The following ARFGEF3 variants were observed in gnomAD, a reference collection of about 807,000 sequenced individuals.
ARFGEF3 encodes the protein brefeldin A-inhibited guanine nucleotide-exchange protein 3.
In ARFGEF3, 96 loss-of-function variants were observed where a neutral mutation model predicts 221.7. The observed-to-expected ratio is 0.43, with a 90% CI of 0.37 to 0.51. The LOEUF (loss-of-function observed/expected upper bound fraction) is 0.51, where lower values mean the gene tolerates loss of function less well. Ranked by LOEUF, ARFGEF3 falls within the 20% of genes least tolerant of loss-of-function variation. The pLI is 0.00. For synonymous variants in ARFGEF3, 1,145 were observed against 1,126.8 expected (o/e 1.02, Z -0.32); for missense variants, 2,410 against 2,789.9 (o/e 0.86, Z 3.07).
At chr6:138,212,364 C>CA (rs1777746153) in intron 4 of ARFGEF3, among the ~76,000 whole-genome samples, 2 of 151,952 alleles carry the variant, frequency 1.3e-5, no homozygotes, top group South Asian at 2.1e-4. Flanking sequence ...CACATCTCTA[C>CA]AAAAAAATAA....
rs904320376 is a variant in ARFGEF3, at chr6:138,340,361, A to C, written c.*3875A>C. ...TTGTTTTAAAATGAGGCTTATACAG[A>C]GTGAGTTGAGAGTCAAGTAGCCTTC... On this transcript the variant is annotated 3_prime_UTR_variant, in exon 34 of 34. Coordinates refer to ENST00000251691, the MANE Select transcript of ARFGEF3 (RefSeq NM_020340.5). The C allele has an allele frequency of 6.6e-6, 1 of 152,214 alleles. No individual in the cohort carries two copies. The highest frequency in any genetic ancestry group is 1.9e-4 in the East Asian group (1 of 5,202). 9.4% of individuals were successfully genotyped at this position (152,214 alleles called of 1,614,324 possible).
chr6:138,199,797 G>C (rs576434696), intron 2 of ARFGEF3, among the ~76,000 whole-genome samples: 1 of 152,192 alleles, frequency 6.6e-6, no homozygotes, highest in South Asian at 2.1e-4. Context: ...GGGTTTTCGA[G>C]GTAAACGATC....
chr6:138,228,222 G>C (rs1778125380), intron 4 of ARFGEF3, among the ~76,000 whole-genome samples: 1 of 144,780 alleles, frequency 6.9e-6, no homozygotes, highest in Non-Finnish European at 1.5e-5. Flanking sequence ...TGTCACCCAG[G>C]CTGGAGTGAA....
chr6:138,233,511 G>A (rs532096252), intron 5 of ARFGEF3, among the ~76,000 whole-genome samples: 4 of 152,090 alleles, frequency 2.6e-5, no homozygotes, highest in Admixed American at 2.6e-4. Flanking sequence ...CGAGTAGCTG[G>A]GATTACAGGC....
At chr6:138,175,942 T>C (rs1186716108) in intron 2 of ARFGEF3, among the ~76,000 whole-genome samples, 1 of 152,174 alleles carries the variant, frequency 6.6e-6, no homozygotes, top group Non-Finnish European at 1.5e-5. Flanking sequence ...TGGGTACATA[T>C]ATATTAAAAT....
intron 32 of ARFGEF3, among the ~76,000 whole-genome samples, chr6:138,332,493 A>G (rs554118240): frequency 6.6e-6 from 1 of 152,270 alleles, no homozygotes; most frequent in East Asian, 1.9e-4. Flanking sequence ...TTCCCTTTTT[A>G]GTATGCATCC....
At chr6:138,255,950 G>T (rs1169303257) in intron 10 of ARFGEF3, among the ~76,000 whole-genome samples, 181 bp downstream of exon 10, 1 of 152,172 alleles carries the variant, frequency 6.6e-6, no homozygotes, top group Non-Finnish European at 1.5e-5. Context: ...TGCGAGCTGG[G>T]GTAGGAGGGG....
At chr6:138,327,539 T>C (rs1239311012) in intron 31 of ARFGEF3, among the ~76,000 whole-genome samples, 2 of 152,204 alleles carry the variant, frequency 1.3e-5, no homozygotes, top group Non-Finnish European at 2.9e-5. Context: ...AGAGATCCAG[T>C]AAGTGCTCAC....
rs1002823245 is a variant in ARFGEF3, at chr6:138,343,435, C to T, written c.*6949C>T. 13 of 150,766 alleles carry T rather than the reference C, an allele frequency of 8.6e-5. No homozygotes were observed. Among genetic ancestry groups the T allele is most frequent in the African/African-American group, 3.2e-4 (13 of 41,180 alleles). The allele number at this position is 150,766 out of a possible 1,614,324, so 9.3% of individuals were successfully genotyped here. A position where few individuals can be genotyped will look rare whatever the true frequency, so the allele number is the denominator to read the frequency against. On this transcript the variant is annotated 3_prime_UTR_variant, in exon 34 of 34. Coordinates refer to ENST00000251691, the MANE Select transcript of ARFGEF3 (RefSeq NM_020340.5). ...AGGAGACAATCTACAGAGTTTTTGC[C>T]TCTGTGGATGGAAATAAGGGTGTTT...
intron 4 of ARFGEF3, among the ~76,000 whole-genome samples, chr6:138,219,004 T>C (rs1777929526): frequency 6.6e-6 from 1 of 152,198 alleles, no homozygotes; most frequent in Admixed American, 6.5e-5. Flanking sequence ...CATAAAACTA[T>C]ATAGGATTAA....
At chr6:138,252,444 A>T (rs1007088361) in intron 8 of ARFGEF3, among the ~76,000 whole-genome samples, 1 of 152,228 alleles carries the variant, frequency 6.6e-6, no homozygotes, top group Non-Finnish European at 1.5e-5. Context: ...AATGGCACAT[A>T]AAGGACTCCA....
intron 24 of ARFGEF3, among the ~76,000 whole-genome samples, chr6:138,310,448 G>A (rs879321250): frequency 2.6e-5 from 4 of 152,202 alleles, no homozygotes; most frequent in Middle Eastern, 3.2e-3. Flanking sequence ...AGAGTTGAGC[G>A]GTTGCAATAA....
At chr6:138,325,019 A>G (rs1388232585) in intron 31 of ARFGEF3, among the ~76,000 whole-genome samples, 1 of 152,256 alleles carries the variant, frequency 6.6e-6, no homozygotes, top group Non-Finnish European at 1.5e-5. Context: ...GACTGGCTAA[A>G]TATTCCATCA....
chr6:138,206,997 A>T (rs2114493498), intron 2 of ARFGEF3, 45 bp from the exon 3 acceptor site: 1 of 1,514,196 alleles, frequency 6.6e-7, no homozygotes, highest in African/African-American at 1.4e-5. Context: ...CTTGACTGCC[A>T]GCTTTACTGA....
At chr6:138,328,232 C>G in intron 32 of ARFGEF3, 90 bp downstream of exon 32, 1 of 1,371,424 alleles carries the variant, frequency 7.3e-7, no homozygotes, top group Non-Finnish European at 9.7e-7. Context: ...TGAGCTTTGG[C>G]CAGAAATACT....
chr6:138,198,709 T>C (rs1380665703), intron 2 of ARFGEF3, among the ~76,000 whole-genome samples: 1 of 152,142 alleles, frequency 6.6e-6, no homozygotes, highest in East Asian at 1.9e-4. Flanking sequence ...TTTCCACATA[T>C]CCAAACTGCC....
intron 12 of ARFGEF3, among the ~76,000 whole-genome samples, chr6:138,270,391 AAT>A (rs1333016751): frequency 6.7e-6 from 1 of 149,398 alleles, no homozygotes; most frequent in Admixed American, 6.7e-5. Context: ...TATAGACATA[AAT>A]ATGTCTGAGC....
Position 138,262,954 on chromosome 6 carries a change from A to G in ARFGEF3, c.1471A>G (p.Thr491Ala), listed in dbSNP as rs191656985. 1.6e-5 allele frequency: 26 copies of G among 1,600,390 alleles called. No homozygotes were observed. In the East Asian group the frequency reaches 5.9e-4, roughly 36 times the overall value. The change falls in exon 12 of 34, where the codon ACG (threonine) becomes GCG (alanine). Residue 491 changes from threonine (T) to alanine (A), a missense_variant. Around this residue, in one of 5 missense-constraint regions of ARFGEF3, gnomAD observed 594 missense variants for 734.3 expected, o/e 0.81. Transcript: ENST00000251691. ...GCGGCGAGTGCTGTCCTCAGAACAC[A>G]CGCCGTGGGAGTCAGGGAACGAGAG... ...WQRRVLSSEH[T>A]PWESGNERSL...
At chr6:138,292,366 A>G (rs1293804874) in intron 19 of ARFGEF3, among the ~76,000 whole-genome samples, 1 of 152,142 alleles carries the variant, frequency 6.6e-6, no homozygotes, top group African/African-American at 2.4e-5. Context: ...TTTTAAAAGT[A>G]ATTCTGTCAC....
Sources: allele counts gnomAD v4.1 joint callset (sites outside exome capture counted in the v4.1 genomes callset), GRCh38; gene constraint gnomAD v4.1.1; regional missense constraint gnomAD v4.1.1; transcripts MANE v1.5; gene names NCBI Gene and HGNC (gene_info 2026-07-23, HGNC 2026-07-21).